The following ZDHHC1 variants were observed in gnomAD, a reference collection of about 807,000 sequenced individuals.
ZDHHC1 encodes the protein zDHHC palmitoyltransferase 1.
A neutral mutation model predicts 46.9 loss-of-function variants in ZDHHC1; 45 were observed. The observed-to-expected ratio is 0.96, with a 90% CI of 0.76 to 1.23. The LOEUF (loss-of-function observed/expected upper bound fraction) is 1.23. ZDHHC1 is among the 50% of genes most tolerant of loss of function. The probability of loss-of-function intolerance (pLI) is 0.00; values close to 1 mark genes in which losing one functional copy is unlikely to be tolerated. For synonymous variants in ZDHHC1, 291 were observed against 286.0 expected (o/e 1.02, Z -0.18); for missense variants, 649 against 670.8 (o/e 0.97, Z 0.36).
rs1313122513 is a variant in ZDHHC1 at position 67,401,006 on chromosome 16, G to T, written c.379C>A (p.His127Asn). Residue 127 changes from histidine (H) to asparagine (N), a missense_variant, in exon 4 of 12, where the codon CAC (histidine) becomes AAC (asparagine). Coordinates refer to ENST00000565726, the MANE Select transcript of ZDHHC1 (RefSeq NM_001323627.2). This position sits in a 1 kb window ranked among gnomAD's most constrained non-coding sequence, Gnocchi z 4.6. ...GPLPIFNRSQ[H>N]AHVIEDLHCN... ...TGCAGGTCTTCAATGACATGTGCGT[G>T]CTGGCTTCGGTTGAAGATGGGCAGG... The T allele has an allele frequency of 1.9e-6, 3 of 1,614,128 alleles. No homozygotes were observed. The Admixed American group carries it at 5.0e-5, about 27-fold the overall frequency.
rs112388068 is a variant in ZDHHC1 at position 67,415,152 on chromosome 16, T to C, written c.-39+1019A>G. On this transcript the variant is annotated intron_variant, in intron 1 of 11. Transcript: ENST00000565726. ...TCCATCTGGAAAATAAAAATAAAAA[T>C]AAACAAAAAATAAAAAACTCTTCTG... Among the ~76,000 whole-genome samples, 1,125 of 150,690 alleles carry C rather than the reference T, an allele frequency of 7.5e-3. 23 individuals carry two copies. Among genetic ancestry groups the C allele is most frequent in the African/African-American group, 0.025 (1,044 of 41,012 alleles).
At chr16:67,398,417 T>C in intron 7 of ZDHHC1, 93 bp from the exon 8 acceptor site, 1 of 1,519,940 alleles carries the variant, frequency 6.6e-7, no homozygotes, top group Admixed American at 1.8e-5. Context: ...CTGAAACCAG[T>C]GTCCCCAAAT....
rs2040369111 is a variant in ZDHHC1, at chr16:67,394,210, C to T, written c.*400G>A. Among the ~76,000 whole-genome samples, 1 of 152,228 alleles carries T rather than the reference C, an allele frequency of 6.6e-6. No homozygotes were observed. Among genetic ancestry groups the T allele is most frequent in the South Asian group, 2.1e-4 (1 of 4,832 alleles). On this transcript the variant is annotated 3_prime_UTR_variant, in exon 12 of 12. Transcript: ENST00000565726. ...CAAAGCCTGCTTTCTCTCGGCCTCC[C>T]AGTGCAAAGCCCATCTTTAAGAAAA... is the stretch of plus-strand genomic sequence containing the variant.
intron 8 of ZDHHC1, among the ~76,000 whole-genome samples, chr16:67,396,621 C>T (rs2040439245): frequency 6.6e-6 from 1 of 152,192 alleles, no homozygotes; most frequent in African/African-American, 2.4e-5. Flanking sequence ...GGAGCCCAGC[C>T]AGCGGCCCCG....
chr16:67,410,556 G>T (rs2040733806), intron 1 of ZDHHC1, among the ~76,000 whole-genome samples: 1 of 152,132 alleles, frequency 6.6e-6, no homozygotes, highest in Non-Finnish European at 1.5e-5. Context: ...AAAGCCATTG[G>T]CAGGATGACA....
intron 3 of ZDHHC1, among the ~76,000 whole-genome samples, chr16:67,405,062 C>A (rs2040628683): frequency 6.6e-6 from 1 of 152,184 alleles, no homozygotes; most frequent in Non-Finnish European, 1.5e-5. Flanking sequence ...TCCAGTTTTC[C>A]ATTCACAGAG....
chr16:67,396,860 G>C (rs1345980862), intron 8 of ZDHHC1, among the ~76,000 whole-genome samples: 1 of 152,212 alleles, frequency 6.6e-6, no homozygotes, highest in East Asian at 1.9e-4. Flanking sequence ...AGCAGAGGAG[G>C]GGCCAGCAGT....
In ZDHHC1 at chr16:67,406,549, A is replaced by G; in HGVS notation, c.10-107T>C. The G allele has an allele frequency of 1.5e-6, 2 of 1,356,622 alleles. No homozygotes were observed. Among genetic ancestry groups the G allele is most frequent in the Non-Finnish European group, 1.9e-6 (2 of 1,029,240 alleles). 84.0% of individuals were successfully genotyped at this position (1,356,622 alleles called of 1,614,324 possible). On this transcript the variant is annotated intron_variant, in intron 2 of 11. Transcript: ENST00000565726. This position sits in a 1 kb window ranked among gnomAD's most constrained non-coding sequence, Gnocchi z 4.1. ...CAGCACAGGGGGAGTAGGCTGCGAC[A>G]GCTACTCTGCTGGGGAAACTGGGGT...
intron 1 of ZDHHC1, among the ~76,000 whole-genome samples, chr16:67,415,697 C>T (rs905414681): frequency 1.3e-5 from 2 of 152,246 alleles, no homozygotes; most frequent in African/African-American, 4.8e-5. Context: ...GCGGAGGTTG[C>T]AATGACCCGA....
intron 1 of ZDHHC1, among the ~76,000 whole-genome samples, chr16:67,409,845 G>A (rs894446632): frequency 1.4e-4 from 21 of 152,326 alleles, no homozygotes; most frequent in African/African-American, 3.6e-4. Context: ...AGATGAGACC[G>A]GGTGCCTGCC....
Position 67,398,858 on chromosome 16 carries a change from A to T in ZDHHC1, c.617T>A (p.Val206Asp). Residue 206 changes from valine to aspartate, a missense_variant, in exon 6 of 12, where the codon GTC becomes GAC. Transcript: ENST00000565726. ...GTTGGTGCGCAGACGCATGGGGTTGACAAAGAACTCCACGAAGACATATGT... is the reference window on the plus strand; with the variant it reads ...GTTGGTGCGCAGACGCATGGGGTTGTCAAAGAACTCCACGAAGACATATGT... ...VATYVFVEFFVNPMRLRTNRH... is the reference protein window; with the variant it reads ...VATYVFVEFFDNPMRLRTNRH... 2 of 1,613,126 alleles carry T rather than the reference A, an allele frequency of 1.2e-6. No homozygotes were observed. Among genetic ancestry groups the T allele is most frequent in the Non-Finnish European group, 1.7e-6 (2 of 1,179,542 alleles).
intron 8 of ZDHHC1, 34 bp downstream of exon 8, chr16:67,398,178 A>C: frequency 1.5e-5 from 23 of 1,546,140 alleles, no homozygotes; most frequent in Non-Finnish European, 2.0e-5. Context: ...CACCCCCCAC[A>C]CCCAGGCCCC....
intron 1 of ZDHHC1, among the ~76,000 whole-genome samples, chr16:67,414,604 C>A (rs1181868062): frequency 2.6e-5 from 4 of 152,230 alleles, no homozygotes; most frequent in Non-Finnish European, 5.9e-5. Flanking sequence ...CCTCATAGAG[C>A]TCTAAGGAAG....
rs148703707 is a variant in ZDHHC1 at position 67,415,399 on chromosome 16, C to T, written c.-39+772G>A. ...GCTTGAGCCCGGGAGCCGGAGCCTGCGGTGACCCATGTTCACACCACAGCA... is the reference window on the plus strand; with the variant it reads ...GCTTGAGCCCGGGAGCCGGAGCCTGTGGTGACCCATGTTCACACCACAGCA... On this transcript the variant is annotated intron_variant, in intron 1 of 11. Coordinates refer to ENST00000565726, the MANE Select transcript of ZDHHC1 (RefSeq NM_001323627.2). Among the ~76,000 whole-genome samples, 37 of 151,900 alleles carry T rather than the reference C, an allele frequency of 2.4e-4. No individual in the cohort carries two copies. The Middle Eastern group carries it at 0.01, about 42-fold the overall frequency.
chr16:67,415,363 G>A (rs2040816843), intron 1 of ZDHHC1, among the ~76,000 whole-genome samples: 1 of 152,132 alleles, frequency 6.6e-6, no homozygotes, highest in Non-Finnish European at 1.5e-5. Context: ...GGAGGCTGAG[G>A]CGGGAGGATC....
In ZDHHC1 at chr16:67,401,427, G is replaced by A. The variant is rs2040551569; in HGVS notation, c.253-295C>T. Reference sequence around the variant, plus strand: ...CAGGGTCCTGGCCTCACTGCTCCAGGCCTGGTGCAGGCCCTGGCTGGTCTG... The same window carrying A: ...CAGGGTCCTGGCCTCACTGCTCCAGACCTGGTGCAGGCCCTGGCTGGTCTG... On this transcript the variant is annotated intron_variant, in intron 3 of 11. Coordinates refer to ENST00000565726, the MANE Select transcript of ZDHHC1 (RefSeq NM_001323627.2). This position sits in a 1 kb window ranked among gnomAD's most constrained non-coding sequence, Gnocchi z 4.6. Among the ~76,000 whole-genome samples the A allele has an allele frequency of 6.6e-6, 1 of 152,364 alleles. No individual in the cohort carries two copies. The highest frequency in any genetic ancestry group is 2.4e-5 in the African/African-American group (1 of 41,580).
At chr16:67,409,177 G>A (rs1313868948) in intron 1 of ZDHHC1, among the ~76,000 whole-genome samples, 3 of 152,050 alleles carry the variant, frequency 2.0e-5, no homozygotes, top group Admixed American at 1.3e-4. Flanking sequence ...GCAGCCAGGC[G>A]CCCGCCACTT....
rs1365296932 is a variant in ZDHHC1 at position 67,400,494 on chromosome 16, G to A, written c.428+463C>T. Among the ~76,000 whole-genome samples, 3 of 152,238 alleles carry A rather than the reference G, an allele frequency of 2.0e-5. No individual in the cohort carries two copies. In the East Asian group the frequency reaches 5.8e-4, roughly 29 times the overall value. On this transcript the variant is annotated intron_variant, in intron 4 of 11. Coordinates refer to ENST00000565726, the MANE Select transcript of ZDHHC1 (RefSeq NM_001323627.2). ...CAGTATCTGCTTAGGGGCCTGGCCG[G>A]CCAGATGTGAATCTGGCTCCGCTAT...
chr16:67,413,106 A>C (rs2040776434), intron 1 of ZDHHC1, among the ~76,000 whole-genome samples: 1 of 141,146 alleles, frequency 7.1e-6, no homozygotes, highest in African/African-American at 2.7e-5. Flanking sequence ...AAGAGACAGG[A>C]TCCTGCTTTG....
Sources: allele counts gnomAD v4.1 joint callset (sites outside exome capture counted in the v4.1 genomes callset), GRCh38; gene constraint gnomAD v4.1.1; non-coding constraint Gnocchi (gnomAD v3.1); transcripts MANE v1.5; gene names NCBI Gene and HGNC (gene_info 2026-07-23, HGNC 2026-07-21).